Variants in LRRC28 observed in about 807,000 individuals in gnomAD.
LRRC28 encodes leucine-rich repeat-containing protein 28.
LRRC28 carries 39 observed loss-of-function variants against 45.7 expected under a neutral mutation model. The observed-to-expected ratio is 0.85, with a 90% CI of 0.66 to 1.12. LRRC28 has a LOEUF of 1.12. LRRC28 is among the 50% of genes most tolerant of loss of function. The probability of loss-of-function intolerance (pLI) is 0.00; values close to 1 mark genes in which losing one functional copy is unlikely to be tolerated. For missense variants in LRRC28, 435 were observed against 438.5 expected (o/e 0.99, Z 0.07); for synonymous variants, 206 against 178.8 (o/e 1.15, Z -1.22).
At chr15:99,258,538 A>T in intron 2 of LRRC28, 2 of 743,614 alleles carry the variant, frequency 2.7e-6, no homozygotes, top group Non-Finnish European at 2.5e-6. Context: ...GAAGAATCTT[A>T]TGATGAAGCT....
chr15:99,363,130 C>T lies in LRRC28; in HGVS notation c.896C>T (p.Ser299Leu). ...GATTTGAACTTTCTGTCTCCAATCT[C>T]ATTACCCAGAAGTCTCCTAGAGCTG... ...LKDLNFLSPI[S>L]LPRSLLELLH... The change falls in exon 9 of 10, where the codon TCA becomes TTA. Residue 299 changes from serine to leucine, a missense_variant. By Grantham distance (145) the Ser-to-Leu change is moderately radical (BLOSUM62 -2). Transcript: ENST00000301981. 6.2e-7 allele frequency: 1 copy of T among 1,611,128 alleles called. No homozygotes were observed. Among genetic ancestry groups the T allele is most frequent in the Non-Finnish European group, 8.5e-7 (1 of 1,178,728 alleles).
chr15:99,370,447 G>A (rs1462585994), intron 9 of LRRC28, among the ~76,000 whole-genome samples: 6 of 152,096 alleles, frequency 3.9e-5, no homozygotes, highest in Admixed American at 2.0e-4. Context: ...AAGTCCAGAA[G>A]GATGGAGCTC....
chr15:99,297,468 C>T (rs1475109829), intron 5 of LRRC28: 1 of 141,760 alleles, frequency 7.1e-6, no homozygotes, highest in African/African-American at 2.6e-5. Flanking sequence ...CTTGCTATGT[C>T]ACCCAGGCTG....
chr15:99,266,983 C>T (rs1034448939), intron 2 of LRRC28, among the ~76,000 whole-genome samples: 6 of 152,026 alleles, frequency 3.9e-5, no homozygotes, highest in Non-Finnish European at 5.9e-5. Flanking sequence ...AAAGAAACAG[C>T]CTTACTTAAG....
intron 9 of LRRC28, among the ~76,000 whole-genome samples, chr15:99,371,048 G>A (rs1957470301): frequency 6.6e-6 from 1 of 152,190 alleles, no homozygotes; most frequent in South Asian, 2.1e-4. Context: ...AGAGGTTGCA[G>A]TGAGCTGAGA....
intron 5 of LRRC28, among the ~76,000 whole-genome samples, chr15:99,325,364 T>G (rs981040660): frequency 2.0e-5 from 3 of 152,230 alleles, no homozygotes; most frequent in Non-Finnish European, 2.9e-5. Flanking sequence ...CTAAGGATCA[T>G]TTTATCTGTA....
At chr15:99,353,439 A>C (rs898028955) in intron 7 of LRRC28, among the ~76,000 whole-genome samples, 1 of 152,218 alleles carries the variant, frequency 6.6e-6, no homozygotes, top group African/African-American at 2.4e-5. Context: ...AAACTTATGC[A>C]GCTGTCTTGG....
At chr15:99,256,156 T>C (rs2081014364) in intron 2 of LRRC28, 31 bp downstream of exon 2, 1 of 1,552,196 alleles carries the variant, frequency 6.4e-7, no homozygotes, top group East Asian at 2.3e-5. Context: ...ACTGAAAAAT[T>C]ATTTATACAT....
intron 2 of LRRC28, among the ~76,000 whole-genome samples, chr15:99,256,672 A>G (rs1169637026): frequency 2.0e-5 from 3 of 152,272 alleles, no homozygotes; most frequent in Non-Finnish European, 2.9e-5. Context: ...TTGGGCTAGC[A>G]TACAATTTTT....
At chr15:99,286,411 G>A (rs1423533858) in intron 3 of LRRC28, among the ~76,000 whole-genome samples, 5 of 152,302 alleles carry the variant, frequency 3.3e-5, no homozygotes, top group Admixed American at 2.6e-4. Context: ...GATTACAGGC[G>A]TGAGCCACCG....
intron 5 of LRRC28, among the ~76,000 whole-genome samples, chr15:99,308,302 G>A (rs556163333): frequency 3.3e-5 from 5 of 151,990 alleles, no homozygotes; most frequent in South Asian, 2.1e-4. Flanking sequence ...TTTCCAAGTC[G>A]TTAACATAAA....
chr15:99,311,647 TGCC>T (rs1955415692), intron 5 of LRRC28, among the ~76,000 whole-genome samples: 1 of 152,224 alleles, frequency 6.6e-6, no homozygotes, highest in Admixed American at 6.5e-5. Context: ...TGTTTGTAAT[TGCC>T]TGCAAGTTCA....
chr15:99,256,130 A>G lies in LRRC28; in HGVS notation c.168+5A>G, dbSNP rs1285250699. On this transcript the variant is annotated splice_donor_5th_base_variant and intron_variant, in intron 2 of 9. Coordinates refer to ENST00000301981, the MANE Select transcript of LRRC28 (RefSeq NM_144598.5). ...AGGAACTCCCTGACATCCTTGGTAC[A>G]GTATTATATTACACTACTGAAAAAT... 3.1e-6 allele frequency: 5 copies of G among 1,599,536 alleles called. No individual in the cohort carries two copies. The highest frequency in any genetic ancestry group is 4.3e-6 in the Non-Finnish European group (5 of 1,174,964).
intron 5 of LRRC28, among the ~76,000 whole-genome samples, chr15:99,333,064 G>C (rs979779822): frequency 6.6e-6 from 1 of 152,192 alleles, no homozygotes; most frequent in African/African-American, 2.4e-5. Context: ...GCTGACTGTA[G>C]GTCTTCAGTG....
chr15:99,285,640 G>A, intron 3 of LRRC28: 6 of 651,020 alleles, frequency 9.2e-6, no homozygotes, highest in Non-Finnish European at 1.7e-5. Context: ...CAGCCACTGT[G>A]TACTATTTCA....
At chr15:99,259,612 G>C in intron 2 of LRRC28, 1 of 1,498,250 alleles carries the variant, frequency 6.7e-7, no homozygotes, top group Non-Finnish European at 9.3e-7. Context: ...AAGCACAAGC[G>C]TACCAAACGG....
At chr15:99,341,347 C>T (rs766509187) in intron 6 of LRRC28, among the ~76,000 whole-genome samples, 49 of 152,180 alleles carry the variant, frequency 3.2e-4, no homozygotes, top group Middle Eastern at 3.2e-3. Flanking sequence ...CTGGCTCAGC[C>T]TCCCAAAGTG....
intron 6 of LRRC28, among the ~76,000 whole-genome samples, chr15:99,351,191 A>G (rs1173460364): frequency 6.6e-6 from 1 of 152,182 alleles, no homozygotes; most frequent in Non-Finnish European, 1.5e-5. Flanking sequence ...AAAGACAAAT[A>G]GCCCTAGTCA....
At position 99,293,593 on chromosome 15, in the gene LRRC28, C is replaced by CCAAAAAAAAAAAAAAAA. The variant is rs747700282; in HGVS notation, c.385+5642_385+5643insCAAAAAAAAAAAAAAAA. On this transcript the variant is annotated intron_variant, in intron 5 of 9. Coordinates refer to ENST00000301981, the MANE Select transcript of LRRC28 (RefSeq NM_144598.5). ...GGGCAACAAGAACGAAACTCTGTCACAAAAAAAAAAAAAAAAAAAAAAAAA... is the reference window on the plus strand; with the variant it reads ...GGGCAACAAGAACGAAACTCTGTCACCAAAAAAAAAAAAAAAAAAAAAAAAAAAAAAAAAAAAAAAAA... Among the ~76,000 whole-genome samples the CCAAAAAAAAAAAAAAAA allele has an allele frequency of 2.0e-3, 88 of 44,080 alleles. 9 individuals are homozygous for CCAAAAAAAAAAAAAAAA. Among genetic ancestry groups the CCAAAAAAAAAAAAAAAA allele is most frequent in the Non-Finnish European group, 2.8e-3 (63 of 22,732 alleles). The allele number at this position is 44,080 out of a possible 152,430, so 28.9% of individuals were successfully genotyped here.
Sources: allele counts gnomAD v4.1 joint callset (sites outside exome capture counted in the v4.1 genomes callset), GRCh38; gene constraint gnomAD v4.1.1; transcripts MANE v1.5; gene names NCBI Gene and HGNC (gene_info 2026-07-23, HGNC 2026-07-21).